The following COL1A1 variants were observed in gnomAD, a reference collection of about 807,000 sequenced individuals.
The protein encoded by COL1A1 is collagen alpha-1(I) chain.
Under a neutral mutation model 195.7 loss-of-function variants are expected in COL1A1, and 21 were observed. The ratio of observed to expected loss-of-function variants is 0.11; its 90% CI spans 0.08 to 0.15. The LOEUF is 0.15. Ranked by LOEUF, COL1A1 falls within the 10% of genes least tolerant of loss-of-function variation. COL1A1 has a pLI of 1.00. For synonymous variants in COL1A1, 749 were observed against 747.3 expected (o/e 1.00, Z -0.04); for missense variants, 1,365 against 2,051.0 (o/e 0.67, Z 6.46).
chr17:50,195,389 G>A lies in COL1A1; in HGVS notation c.1200+45C>T, dbSNP rs376700357. On this transcript the variant is annotated intron_variant, in intron 18 of 50. Transcript: ENST00000225964. The surrounding 1 kb of genome is among the most constrained non-coding windows in gnomAD (Gnocchi z 4.3). Reference sequence around the variant, plus strand: ...GGAGCAGAGGGAAAGGGGCAGGCAGGCTGCAGGCGGCAGGAGTGGGACTGA... The same window carrying A: ...GGAGCAGAGGGAAAGGGGCAGGCAGACTGCAGGCGGCAGGAGTGGGACTGA... The A allele has an allele frequency of 1.4e-5, 22 of 1,613,620 alleles. No individual in the cohort carries two copies. The African/African-American group carries it at 2.8e-4, about 21-fold the overall frequency.
At position 50,190,814 on chromosome 17, in the gene COL1A1, C is replaced by T. The variant is rs779590911; in HGVS notation, c.2343+3G>A. 2 of 1,611,508 alleles carry T rather than the reference C, an allele frequency of 1.2e-6. No homozygotes were observed. The highest frequency in any genetic ancestry group is 1.7e-5 in the Admixed American group (1 of 60,000). ...GCAGAAGGTGGGGAGGCGGCCACCT[C>T]ACCTTGTCACCAGGGGCACCAGCAG... On this transcript the variant is annotated splice_donor_region_variant and intron_variant, in intron 33 of 50. Coordinates refer to ENST00000225964, the MANE Select transcript of COL1A1 (RefSeq NM_000088.4). The surrounding 1 kb of genome is among the most constrained non-coding windows in gnomAD (Gnocchi z 4.7).
In COL1A1 at chr17:50,195,998, C is replaced by G; in HGVS notation, c.1003-22G>C. On this transcript the variant is annotated intron_variant, in intron 15 of 50. Transcript: ENST00000225964. The surrounding 1 kb of genome is among the most constrained non-coding windows in gnomAD (Gnocchi z 4.3). Reference sequence around the variant, plus strand: ...GACCCTGTGAATGAAATGGAGATGTCAGCGAGAAGGAAGAGATGGCAGCTG... The same window carrying G: ...GACCCTGTGAATGAAATGGAGATGTGAGCGAGAAGGAAGAGATGGCAGCTG... The G allele has an allele frequency of 6.3e-7, 1 of 1,597,038 alleles. No homozygotes were observed. Among genetic ancestry groups the G allele is most frequent in the Non-Finnish European group, 8.5e-7 (1 of 1,171,534 alleles).
At position 50,189,473 on chromosome 17, in the gene COL1A1, A is replaced by G; in HGVS notation, c.2733T>C (p.Gly911=). The change falls in exon 39 of 51, where the codon GGT becomes GGC. Residue 911 remains glycine, a synonymous_variant. Transcript: ENST00000225964. This position sits in a 1 kb window ranked among gnomAD's most constrained non-coding sequence, Gnocchi z 5.5. ...CAGGACGTCCAGCAGGGCCAGTCTC[A>G]CCACGGGGACCTTTGCCGCCTTCTT... The part of the protein sequence containing the change: ...AGKEGGKGPR[G]ETGPAGRPGE... 6.2e-7 allele frequency: 1 copy of G among 1,613,678 alleles called. No homozygotes were observed. The highest frequency in any genetic ancestry group is 8.5e-7 in the Non-Finnish European group (1 of 1,179,910).
Position 50,185,955 on chromosome 17 carries a change from C to T in COL1A1, c.4071G>A (p.Leu1357=), listed in dbSNP as rs1598284325. ...DVAIQLTFLR[L]MSTEASQNIT... ...TGTTCTGGGAGGCCTCGGTGGACAT[C>T]AGGCGCAGGAAGGTCAGCTGGATGG... The change falls in exon 50 of 51, where the codon CTG becomes CTA. Residue 1357 remains leucine (L), a synonymous_variant. Coordinates refer to ENST00000225964, the MANE Select transcript of COL1A1 (RefSeq NM_000088.4). 1.2e-6 allele frequency: 2 copies of T among 1,614,024 alleles called. No homozygotes were observed. Among genetic ancestry groups the T allele is most frequent in the Non-Finnish European group, 1.7e-6 (2 of 1,180,016 alleles).
Position 50,201,460 on chromosome 17 carries a change from G to A in COL1A1, c.54C>T (p.Leu18=), listed in dbSNP as rs1389786736. Residue 18 remains leucine (L), a synonymous_variant, in exon 1 of 51, where the codon CTC becomes CTT. Transcript: ENST00000225964. ...RLLLLLAATA[L]LTHGQEEGQV... is the part of the protein sequence containing the mutation. ...GGCCTTCCTCTTGGCCGTGCGTCAG[G>A]AGGGCGGTGGCCGCTAAGAGGAGCA... The A allele has an allele frequency of 1.2e-6, 2 of 1,613,296 alleles. No homozygotes were observed. Among genetic ancestry groups the A allele is most frequent in the East Asian group, 2.2e-5 (1 of 44,872 alleles).
rs1907601671 is a variant in COL1A1, at chr17:50,196,484, C to T, written c.903G>A (p.Met301Ile). The change falls in exon 13 of 51, where the codon ATG (methionine) becomes ATA (isoleucine). Residue 301 changes from methionine (M) to isoleucine (I), a missense_variant and splice_region_variant. Met to Ile is a conservative substitution (Grantham distance 10). This residue lies in a region of COL1A1 where 226 missense variants were observed against 372.9 expected (regional missense o/e 0.61). Transcript: ENST00000225964. ...SPGENGAPGQ[M>I]GPRGLPGERG... ...GCCCTCTGGAACTGGGCACACTCACCATCTGACCAGGAGCTCCATTTTCAC... is the reference window on the plus strand; with the variant it reads ...GCCCTCTGGAACTGGGCACACTCACTATCTGACCAGGAGCTCCATTTTCAC... 1 of 1,614,206 alleles carries T rather than the reference C, an allele frequency of 6.2e-7. No individual in the cohort carries two copies. Among genetic ancestry groups the T allele is most frequent in the African/African-American group, 1.3e-5 (1 of 75,050 alleles).
At chr17:50,201,143 C>CT (rs1908057298) in intron 1 of COL1A1, among the ~76,000 whole-genome samples, 1 of 152,228 alleles carries the variant, frequency 6.6e-6, no homozygotes, top group Non-Finnish European at 1.5e-5. Flanking sequence ...CAGATCCCCA[C>CT]TTCCCCGGTT....
chr17:50,185,589 G>A lies in COL1A1; in HGVS notation c.4308C>T (p.Arg1436=), dbSNP rs760417442. The stretch of plus-strand genomic sequence containing the variant: ...AGGGGGCCACATCGATGATGGGCAG[G>A]CGGGAGGTCTTGGTGGTTTTGTATT... ...VIEYKTTKTS[R]LPIIDVAPLD... The change falls in exon 51 of 51, where the codon CGC becomes CGT. Residue 1436 remains arginine (R), a synonymous_variant. Transcript: ENST00000225964. 1.4e-5 allele frequency: 23 copies of A among 1,613,936 alleles called. No homozygotes were observed. In the Admixed American group the frequency reaches 3.3e-4, roughly 23 times the overall value.
chr17:50,193,200 TG>T (rs1444014929), intron 25 of COL1A1, among the ~76,000 whole-genome samples, 153 bp from the exon 26 acceptor site: 3 of 152,306 alleles, frequency 2.0e-5, no homozygotes, highest in Admixed American at 1.3e-4. Context: ...TGCTTCTTGC[TG>T]GGCCCTTTCT....
At chr17:50,192,417 G>T (rs1445842431) in intron 29 of COL1A1, 58 bp downstream of exon 29, 2 of 1,531,658 alleles carry the variant, frequency 1.3e-6, no homozygotes, top group Non-Finnish European at 1.8e-6. Flanking sequence ...AGGAGCGGGG[G>T]CCTGTCCCTC....
Position 50,188,817 on chromosome 17 carries a change from A to C in COL1A1, c.3046-22T>G. ...CCCCCTGCAGAGAGAGAGAGAGAGA[A>C]GTGAGAGTCAGCCGGGGAAGAGGGC... On this transcript the variant is annotated intron_variant, in intron 41 of 50. Coordinates refer to ENST00000225964, the MANE Select transcript of COL1A1 (RefSeq NM_000088.4). The surrounding 1 kb of genome is among the most constrained non-coding windows in gnomAD (Gnocchi z 5.6). 1 of 1,602,818 alleles carries C rather than the reference A, an allele frequency of 6.2e-7. No individual in the cohort carries two copies.
chr17:50,195,821 G>T lies in COL1A1; in HGVS notation c.1056+102C>A. On this transcript the variant is annotated intron_variant, in intron 16 of 50. Coordinates refer to ENST00000225964, the MANE Select transcript of COL1A1 (RefSeq NM_000088.4). This position sits in a 1 kb window ranked among gnomAD's most constrained non-coding sequence, Gnocchi z 4.3. Reference sequence around the variant, plus strand: ...CCAGGACAAAGGTGTTAGTGAACGGGCTGCTCTCTTGCCACTCTGGGTCCC... The same window carrying T: ...CCAGGACAAAGGTGTTAGTGAACGGTCTGCTCTCTTGCCACTCTGGGTCCC... 7.0e-7 allele frequency: 1 copy of T among 1,424,010 alleles called. No homozygotes were observed. Among genetic ancestry groups the T allele is most frequent in the Non-Finnish European group, 9.7e-7 (1 of 1,031,388 alleles). 88.2% of individuals were successfully genotyped at this position (1,424,010 alleles called of 1,614,324 possible).
In COL1A1 at chr17:50,188,345, G is replaced by T; in HGVS notation, c.3207+185C>A. On this transcript the variant is annotated intron_variant, in intron 43 of 50. Coordinates refer to ENST00000225964, the MANE Select transcript of COL1A1 (RefSeq NM_000088.4). This position sits in a 1 kb window ranked among gnomAD's most constrained non-coding sequence, Gnocchi z 5.6. Reference sequence around the variant, plus strand: ...GCCAACTCATGGGAGAGGCGGTCCTGTCTGGGAGAGGGGACTTGGGGCTGA... The same window carrying T: ...GCCAACTCATGGGAGAGGCGGTCCTTTCTGGGAGAGGGGACTTGGGGCTGA... 4.9e-6 allele frequency: 4 copies of T among 811,054 alleles called. No individual in the cohort carries two copies. Among genetic ancestry groups the T allele is most frequent in the Non-Finnish European group, 7.8e-6 (4 of 510,960 alleles). The allele number at this position is 811,054 out of a possible 1,614,324, so 50.2% of individuals were successfully genotyped here. A position where few individuals can be genotyped will look rare whatever the true frequency, so the allele number is the denominator to read the frequency against.
At position 50,185,577 on chromosome 17, in the gene COL1A1, G is replaced by A. The variant is rs770326881; in HGVS notation, c.4320C>T (p.Ile1440=). 1.7e-5 allele frequency: 28 copies of A among 1,613,784 alleles called. No homozygotes were observed. Among genetic ancestry groups the A allele is most frequent in the East Asian group, 8.9e-5 (4 of 44,886 alleles). ...KTTKTSRLPI[I]DVAPLDVGAP... Reference sequence around the variant, plus strand: ...CACCAACGTCCAAGGGGGCCACATCGATGATGGGCAGGCGGGAGGTCTTGG... The same window carrying A: ...CACCAACGTCCAAGGGGGCCACATCAATGATGGGCAGGCGGGAGGTCTTGG... The change falls in exon 51 of 51, where the codon ATC becomes ATT. Residue 1440 remains isoleucine (I), a synonymous_variant. Transcript: ENST00000225964.
At position 50,185,257 on chromosome 17, in the gene COL1A1, C is replaced by CTTTTT. The variant is rs56302025; in HGVS notation, c.*240_*244dup. The CTTTTT allele has an allele frequency of 8.5e-4, 163 of 192,450 alleles. 19 individuals are homozygous for CTTTTT. The highest frequency in any genetic ancestry group is 8.7e-4 in the South Asian group (11 of 12,682). The allele number at this position is 192,450 out of a possible 1,614,324, so 11.9% of individuals were successfully genotyped here. A position where few individuals can be genotyped will look rare whatever the true frequency, so the allele number is the denominator to read the frequency against. On this transcript the variant is annotated 3_prime_UTR_variant, in exon 51 of 51. Coordinates refer to ENST00000225964, the MANE Select transcript of COL1A1 (RefSeq NM_000088.4). ...TTTTTTAAAAAGTTATTTATTTATTCTTTTTTTTTTTTTTTTTTTGGTAAG... is the reference window on the plus strand; with the variant it reads ...TTTTTTAAAAAGTTATTTATTTATTCTTTTTTTTTTTTTTTTTTTTTTTTGGTAAG...
Position 50,189,374 on chromosome 17 carries a change from T to C in COL1A1, c.2829+3A>G. On this transcript the variant is annotated splice_donor_region_variant and intron_variant, in intron 39 of 50. Transcript: ENST00000225964. This position sits in a 1 kb window ranked among gnomAD's most constrained non-coding sequence, Gnocchi z 5.5. The stretch of plus-strand genomic sequence containing the variant: ...AGCTGCAGAGATCTGAGCTGGCACT[T>C]ACAGCAGGACCATCAGCACCAGGGG... 6.2e-7 allele frequency: 1 copy of C among 1,613,190 alleles called. No individual in the cohort carries two copies. Among genetic ancestry groups the C allele is most frequent in the Non-Finnish European group, 8.5e-7 (1 of 1,179,768 alleles).
rs540511904 is a variant in COL1A1, at chr17:50,192,168, G to A, written c.1984-144C>T. 10 of 904,896 alleles carry A rather than the reference G, an allele frequency of 1.1e-5. No homozygotes were observed. In the South Asian group the frequency reaches 1.4e-4, roughly 13 times the overall value. The allele number at this position is 904,896 out of a possible 1,614,324, so 56.1% of individuals were successfully genotyped here. Reference sequence around the variant, plus strand: ...CACTGAATTGAGATTATCCCAAACAGCCCCTCTCTTCCTCCTAGGGATGTG... The same window carrying A: ...CACTGAATTGAGATTATCCCAAACAACCCCTCTCTTCCTCCTAGGGATGTG... On this transcript the variant is annotated intron_variant, in intron 29 of 50. Transcript: ENST00000225964.
At chr17:50,200,425 A>G (rs1341897746) in intron 1 of COL1A1, among the ~76,000 whole-genome samples, 2 of 151,858 alleles carry the variant, frequency 1.3e-5, no homozygotes, top group Middle Eastern at 3.4e-3. Context: ...GGGCGGGGCT[A>G]GGAGAATGGG....
At chr17:50,191,253 G>T (rs1257327893) in intron 32 of COL1A1, 130 bp downstream of exon 32, 3 of 923,682 alleles carry the variant, frequency 3.2e-6, no homozygotes, top group Non-Finnish European at 5.3e-6. Flanking sequence ...GGCCAGAGGG[G>T]AAAGGGGAAG....
Sources: gnomAD v4.1 joint callset for allele counts (sites outside exome capture counted in the v4.1 genomes callset) on GRCh38, gnomAD v4.1.1 for gene constraint, gnomAD v4.1.1 regional missense constraint, Gnocchi (gnomAD v3.1) non-coding constraint, MANE v1.5 for transcripts, NCBI Gene and HGNC (gene_info 2026-07-23, HGNC 2026-07-21) for gene names.